The following AIM2 variants were observed in gnomAD, a reference collection of about 807,000 sequenced individuals.
AIM2 encodes the protein absent in melanoma 2.
In AIM2, 30 loss-of-function variants were observed where a neutral mutation model predicts 27.7. The ratio of observed to expected loss-of-function variants is 1.08; its 90% CI spans 0.81 to 1.47. AIM2 has a LOEUF of 1.47. Ranked by LOEUF, AIM2 falls within the 40% of genes most tolerant of loss-of-function variation. The pLI is 0.00. For missense variants in AIM2, 358 were observed against 411.3 expected (o/e 0.87, Z 1.12); for synonymous variants, 141 against 145.3 (o/e 0.97, Z 0.21).
intron 1 of AIM2, among the ~76,000 whole-genome samples, chr1:159,083,368 T>C (rs1295501434): frequency 1.3e-4 from 20 of 152,186 alleles, no homozygotes; most frequent in Non-Finnish European, 1.5e-5. Context: ...AATTGAAAAC[T>C]AGGAATGTAG....
Position 159,062,529 on chromosome 1 carries a change from A to G in AIM2, c.*163T>C. 1.6e-6 allele frequency: 1 copy of G among 637,006 alleles called. No individual in the cohort carries two copies. The highest frequency in any genetic ancestry group is 2.8e-6 in the Non-Finnish European group (1 of 360,202). The allele number at this position is 637,006 out of a possible 1,614,324, so 39.5% of individuals were successfully genotyped here. ...ATTGTGATCATCTGTTGATATTCTG[A>G]ATTTGTTTATCCAGCAATTATTCTA... On this transcript the variant is annotated 3_prime_UTR_variant, in exon 6 of 6. Coordinates refer to ENST00000368130, the MANE Select transcript of AIM2 (RefSeq NM_004833.3).
At chr1:159,077,316 G>T (rs189415687), upstream of AIM2, among the ~76,000 whole-genome samples, 1 of 152,320 alleles carries the variant, frequency 6.6e-6, no homozygotes, top group African/African-American at 2.4e-5. Flanking sequence ...CTGGGAAATG[G>T]GCGGGCAATT....
intron 1 of AIM2, among the ~76,000 whole-genome samples, chr1:159,103,292 C>A (rs1657355260): frequency 6.6e-6 from 1 of 152,188 alleles, no homozygotes; most frequent in Admixed American, 6.5e-5. Flanking sequence ...GTCAATTAAA[C>A]CTCTTTCCTT....
intron 1 of AIM2, among the ~76,000 whole-genome samples, chr1:159,130,373 T>C (rs895653633): frequency 4.6e-5 from 7 of 152,230 alleles, no homozygotes; most frequent in Admixed American, 2.0e-4. Context: ...CTCATATATC[T>C]AGCTGCCCAT....
At chr1:159,087,970 T>C (rs1165758318) in intron 1 of AIM2, among the ~76,000 whole-genome samples, 7 of 152,216 alleles carry the variant, frequency 4.6e-5, no homozygotes, top group African/African-American at 1.7e-4. Flanking sequence ...TTTTGCATAA[T>C]TAAAAATTTT....
At chr1:159,077,339 G>A (rs1331955161), upstream of AIM2, among the ~76,000 whole-genome samples, 1 of 152,232 alleles carries the variant, frequency 6.6e-6, no homozygotes, top group African/African-American at 2.4e-5. Context: ...CGGAATCGGG[G>A]TGCCACCCTT....
At chr1:159,134,369 A>G (rs1371169325) in intron 1 of AIM2, among the ~76,000 whole-genome samples, 1 of 152,174 alleles carries the variant, frequency 6.6e-6, no homozygotes, top group African/African-American at 2.4e-5. Context: ...ATGCAAATCC[A>G]ATCATGTTAT....
chr1:159,068,737 A>G (rs1226007526), intron 2 of AIM2, 36 bp from the exon 3 acceptor site: 2 of 1,606,836 alleles, frequency 1.2e-6, no homozygotes, highest in Admixed American at 1.7e-5. Context: ...CAATAAGCAT[A>G]TAAACATATG....
chr1:159,100,961 A>C (rs1657299429), intron 1 of AIM2, among the ~76,000 whole-genome samples: 1 of 152,232 alleles, frequency 6.6e-6, no homozygotes, highest in African/African-American at 2.4e-5. Flanking sequence ...CCCAGGCTGA[A>C]GTGTAGATTC....
chr1:159,100,774 C>G (rs894630590), intron 1 of AIM2, among the ~76,000 whole-genome samples: 9 of 152,214 alleles, frequency 5.9e-5, no homozygotes, highest in Non-Finnish European at 1.5e-5. Flanking sequence ...GAATGAACCA[C>G]TTAAACCCCC....
chr1:159,068,553 C>G lies in AIM2; in HGVS notation c.396+15G>C. On this transcript the variant is annotated intron_variant, in intron 3 of 5. Coordinates refer to ENST00000368130, the MANE Select transcript of AIM2 (RefSeq NM_004833.3). ...TCTTACAAGGACAAAGACCACTCCACTCTCCTTATCCTACCTTAACATGAG... is the reference window on the plus strand; with the variant it reads ...TCTTACAAGGACAAAGACCACTCCAGTCTCCTTATCCTACCTTAACATGAG... 1 of 1,602,132 alleles carries G rather than the reference C, an allele frequency of 6.2e-7. No homozygotes were observed. Among genetic ancestry groups the G allele is most frequent in the Non-Finnish European group, 8.5e-7 (1 of 1,175,230 alleles).
At chr1:159,129,573 T>C (rs1647813147) in intron 1 of AIM2, among the ~76,000 whole-genome samples, 1 of 152,150 alleles carries the variant, frequency 6.6e-6, no homozygotes, top group Non-Finnish European at 1.5e-5. Flanking sequence ...CAGAGTACCA[T>C]TCTATGCCTC....
At chr1:159,134,350 CT>C (rs1412898966) in intron 1 of AIM2, among the ~76,000 whole-genome samples, 1 of 152,232 alleles carries the variant, frequency 6.6e-6, no homozygotes, top group Non-Finnish European at 1.5e-5. Flanking sequence ...CTGGAGTAAT[CT>C]TTCCAAAATG....
At position 159,136,345 on chromosome 1, in the gene AIM2, T is replaced by C. The variant is rs146896138; in HGVS notation, c.-16+4086A>G. Among the ~76,000 whole-genome samples the C allele has an allele frequency of 3.8e-3, 581 of 152,316 alleles. 3 individuals are homozygous for C. Among genetic ancestry groups the C allele is most frequent in the African/African-American group, 0.012 (481 of 41,568 alleles). ...TTTGTGTTTGCACCTCCTATGTATCTACCTCGACAATTTTACAGCTTACCC... is the reference window on the plus strand; with the variant it reads ...TTTGTGTTTGCACCTCCTATGTATCCACCTCGACAATTTTACAGCTTACCC... On this transcript the variant is annotated intron_variant, in intron 1 of 2. Coordinates refer to the AIM2 transcript ENST00000368129.
At chr1:159,145,079 C>A (rs1648177804), upstream of AIM2, among the ~76,000 whole-genome samples, 1 of 152,140 alleles carries the variant, frequency 6.6e-6, no homozygotes. Context: ...TATCAGCTCC[C>A]TCTTACTATC....
intron 2 of AIM2, among the ~76,000 whole-genome samples, chr1:159,070,272 T>C (rs1656297352): frequency 6.6e-6 from 1 of 152,256 alleles, no homozygotes; most frequent in Non-Finnish European, 1.5e-5. Context: ...TTTTAAAACC[T>C]TGTTTTATCA....
In AIM2 at chr1:159,063,552, T is replaced by G; in HGVS notation, c.939A>C (p.Thr313=). 6.2e-7 allele frequency: 1 copy of G among 1,614,210 alleles called. No homozygotes were observed. Among genetic ancestry groups the G allele is most frequent in the Non-Finnish European group, 8.5e-7 (1 of 1,180,034 alleles). Residue 313 remains threonine (T), a synonymous_variant, in exon 5 of 6, where the codon ACA becomes ACC. Coordinates refer to ENST00000368130, the MANE Select transcript of AIM2 (RefSeq NM_004833.3). ...CTCCATTTTTTGACAGTGTGAAGAATGTAAGTCGAACCTTATCTCCTTCCT... is the reference window on the plus strand; with the variant it reads ...CTCCATTTTTTGACAGTGTGAAGAAGGTAAGTCGAACCTTATCTCCTTCCT... ...KCKEGDKVRL[T]FFTLSKNGEK... is the part of the protein sequence containing the mutation.
Position 159,062,572 on chromosome 1 carries a change from G to C in AIM2, c.*120C>G, listed in dbSNP as rs1571916688. 1.2e-6 allele frequency: 1 copy of C among 868,186 alleles called. No individual in the cohort carries two copies. The highest frequency in any genetic ancestry group is 2.3e-5 in the Admixed American group (1 of 44,060). 53.8% of individuals were successfully genotyped at this position (868,186 alleles called of 1,614,324 possible). On this transcript the variant is annotated 3_prime_UTR_variant, in exon 6 of 6. Transcript: ENST00000368130. The stretch of plus-strand genomic sequence containing the variant: ...TTATTCTATCCTAATTTGGTGGAGA[G>C]AGGAGCCTGTGAACTGCAGCTTTCA...
chr1:159,122,058 T>G (rs771525892), intron 1 of AIM2, among the ~76,000 whole-genome samples: 4 of 152,072 alleles, frequency 2.6e-5, no homozygotes, highest in Non-Finnish European at 5.9e-5. Flanking sequence ...GGGAGAGAAG[T>G]TAAAGAGTAA....
Sources: gnomAD v4.1 joint callset for allele counts (sites outside exome capture counted in the v4.1 genomes callset) on GRCh38, gnomAD v4.1.1 for gene constraint, MANE v1.5 for transcripts, NCBI Gene and HGNC (gene_info 2026-07-23, HGNC 2026-07-21) for gene names.